Variants in GTF2B observed in about 807,000 individuals in gnomAD.
GTF2B encodes general transcription factor IIB.
In GTF2B, 20 loss-of-function variants were observed where a neutral mutation model predicts 34.6. The ratio of observed to expected loss-of-function variants is 0.58; its 90% confidence interval spans 0.41 to 0.84. The LOEUF is 0.84. Ranked by LOEUF, GTF2B falls within the 40% of genes least tolerant of loss-of-function variation. GTF2B has a pLI of 0.00. For synonymous variants in GTF2B, 142 were observed against 132.4 expected, an observed-to-expected ratio of 1.07 and a Z score of -0.50; for missense variants, 237 against 393.3, an observed-to-expected ratio of 0.60 and a Z score of 3.36.
At chr1:88,872,829 TACTTTTTTCTG>T (rs1673728702) in intron 2 of GTF2B, among the ~76,000 whole-genome samples, 1 of 149,976 alleles carries the variant, frequency 6.7e-6, no homozygotes. Flanking sequence ...TGTGCTGTGT[TACTTTTTTCTG>T]ACATTTAATA....
intron 2 of GTF2B, among the ~76,000 whole-genome samples, chr1:88,869,253 C>T (rs1022131266): frequency 9.9e-5 from 15 of 152,052 alleles, no homozygotes; most frequent in Non-Finnish European, 1.5e-4. Flanking sequence ...GCAAATACTA[C>T]GTCATATTGT....
chr1:88,881,431 T>G (rs1396921635), intron 2 of GTF2B, among the ~76,000 whole-genome samples: 1 of 152,200 alleles, frequency 6.6e-6, no homozygotes, highest in Non-Finnish European at 1.5e-5. Flanking sequence ...AATGTACTAT[T>G]GATATATGAC....
At chr1:88,854,961 A>G (rs1213124313) in intron 6 of GTF2B, among the ~76,000 whole-genome samples, 1 of 152,262 alleles carries the variant, frequency 6.6e-6, no homozygotes, top group Non-Finnish European at 1.5e-5. Flanking sequence ...AAATACCAAT[A>G]AATGCCAACT....
At chr1:88,874,886 C>A (rs1202671319) in intron 2 of GTF2B, among the ~76,000 whole-genome samples, 1 of 151,458 alleles carries the variant, frequency 6.6e-6, no homozygotes, top group African/African-American at 2.4e-5. Context: ...TATTATTATT[C>A]AACGTGGACA....
At chr1:88,875,842 G>A (rs1324992657) in intron 2 of GTF2B, among the ~76,000 whole-genome samples, 2 of 152,088 alleles carry the variant, frequency 1.3e-5, no homozygotes, top group African/African-American at 4.8e-5. Context: ...CCAGCACAGT[G>A]CTTAACTGAG....
intron 3 of GTF2B, among the ~76,000 whole-genome samples, chr1:88,862,235 T>C (rs917920277): frequency 6.6e-6 from 1 of 152,174 alleles, no homozygotes; most frequent in African/African-American, 2.4e-5. Flanking sequence ...GTGATAAATC[T>C]AGCAGCTTAA....
At chr1:88,875,727 C>T (rs116192112) in intron 2 of GTF2B, among the ~76,000 whole-genome samples, 42 of 152,304 alleles carry the variant, frequency 2.8e-4, no homozygotes, top group African/African-American at 8.9e-4. Context: ...GCTTTTACCG[C>T]GGATACTGTA....
At chr1:88,886,843 GAAGA>G (rs1323693996) in intron 2 of GTF2B, among the ~76,000 whole-genome samples, 3 of 151,994 alleles carry the variant, frequency 2.0e-5, no homozygotes, top group Non-Finnish European at 2.9e-5. Context: ...ATTTGTTGGG[GAAGA>G]AAGTCAAAAA....
At chr1:88,856,115 C>T (rs911254803) in intron 6 of GTF2B, among the ~76,000 whole-genome samples, 2 of 151,530 alleles carry the variant, frequency 1.3e-5, no homozygotes, top group Non-Finnish European at 2.9e-5. Flanking sequence ...ACTAAAAATA[C>T]AAATATTAGC....
intron 2 of GTF2B, among the ~76,000 whole-genome samples, chr1:88,876,536 G>T (rs1313047220): frequency 6.6e-6 from 1 of 152,064 alleles, no homozygotes; most frequent in African/African-American, 2.4e-5. Flanking sequence ...TAAAAAATTA[G>T]CTGAGGGTGG....
At chr1:88,889,598 G>T (rs1453773882) in intron 1 of GTF2B, among the ~76,000 whole-genome samples, 1 of 152,224 alleles carries the variant, frequency 6.6e-6, no homozygotes. Flanking sequence ...CTGAAGTCAT[G>T]GAACTAATAA....
chr1:88,869,807 A>T (rs1397307475), intron 2 of GTF2B, among the ~76,000 whole-genome samples: 1 of 151,944 alleles, frequency 6.6e-6, no homozygotes, highest in Non-Finnish European at 1.5e-5. Context: ...TTGTATTTTT[A>T]GTAGACGGGG....
Position 88,887,318 on chromosome 1 carries a change from A to C in GTF2B, c.67T>G (p.Leu23Val). 1 of 1,613,314 alleles carries C rather than the reference A, an allele frequency of 6.2e-7. No individual in the cohort carries two copies. Among genetic ancestry groups the C allele is most frequent in the Non-Finnish European group, 8.5e-7 (1 of 1,179,258 alleles). Residue 23 changes from leucine to valine, a missense_variant, in exon 2 of 7, where the codon TTA becomes GTA. Around this residue, in one of 3 missense-constraint regions of GTF2B, gnomAD observed 130 missense variants for 170.9 expected, o/e 0.76. Coordinates refer to ENST00000370500, the MANE Select transcript of GTF2B (RefSeq NM_001514.6). ...VTCPNHPDAI[L>V]VEDYRAGDMI... ...TCACCGGCTCTGTAGTCCTCCACTA[A>C]AATCGCATCTGGATGGTTTGGACAT...
At chr1:88,868,481 C>T (rs1673607978) in intron 2 of GTF2B, among the ~76,000 whole-genome samples, 1 of 151,832 alleles carries the variant, frequency 6.6e-6, no homozygotes, top group Non-Finnish European at 1.5e-5. Flanking sequence ...AGAGTAAACG[C>T]ACCCAATATG....
rs1027698647 is a variant in GTF2B at position 88,853,100 on chromosome 1, T to C, written c.*113A>G. ...CAAGCAATAGTATTCAGCCCTGGAA[T>C]GCGTACCATGTCTTTTGTTTTTCCT... On this transcript the variant is annotated 3_prime_UTR_variant, in exon 7 of 7. Coordinates refer to ENST00000370500, the MANE Select transcript of GTF2B (RefSeq NM_001514.6). The C allele has an allele frequency of 3.4e-6, 3 of 894,364 alleles. No individual in the cohort carries two copies. The highest frequency in any genetic ancestry group is 1.9e-6 in the Non-Finnish European group (1 of 529,150). 55.4% of individuals were successfully genotyped at this position (894,364 alleles called of 1,614,324 possible). A position where few individuals can be genotyped will look rare whatever the true frequency, so the allele number is the denominator to read the frequency against.
At chr1:88,862,250 A>T (rs1673455413) in intron 3 of GTF2B, among the ~76,000 whole-genome samples, 1 of 152,176 alleles carries the variant, frequency 6.6e-6, no homozygotes. Context: ...GCTTAAAAAT[A>T]TTTCTATCTT....
At chr1:88,853,905 A>C (rs930452236) in intron 6 of GTF2B, among the ~76,000 whole-genome samples, 2 of 152,166 alleles carry the variant, frequency 1.3e-5, no homozygotes, top group Admixed American at 6.6e-5. Flanking sequence ...AAAGTCAGTA[A>C]CAAGCAACAA....
intron 2 of GTF2B, among the ~76,000 whole-genome samples, chr1:88,886,968 G>C (rs758431839): frequency 6.6e-5 from 10 of 151,610 alleles, no homozygotes; most frequent in Admixed American, 2.0e-4. Context: ...GCTCGGGCTA[G>C]AGTGCAGTGG....
chr1:88,865,316 A>T (rs1673524754), intron 2 of GTF2B, among the ~76,000 whole-genome samples: 1 of 152,256 alleles, frequency 6.6e-6, no homozygotes, highest in African/African-American at 2.4e-5. Context: ...CTTAAAAAGT[A>T]GTACTAAGTG....
Sources: gnomAD v4.1 joint callset for allele counts (sites outside exome capture counted in the v4.1 genomes callset) on GRCh38, gnomAD v4.1.1 for gene constraint, gnomAD v4.1.1 regional missense constraint, MANE v1.5 for transcripts, NCBI Gene and HGNC (gene_info 2026-07-23, HGNC 2026-07-21) for gene names.